The following ADGRL3 variants were observed in gnomAD, a reference collection of about 807,000 sequenced individuals.
ADGRL3 encodes calcium-independent alpha-latrotoxin receptor 3.
ADGRL3 carries 62 observed loss-of-function variants against 153.5 expected under a neutral mutation model. The ratio of observed to expected loss-of-function variants is 0.40; its 90% CI spans 0.33 to 0.50. ADGRL3 has a LOEUF of 0.50. ADGRL3 is among the 20% of genes least tolerant of loss of function. The pLI is 0.47. For synonymous variants in ADGRL3, 710 were observed against 672.5 expected (o/e 1.06, Z -0.86); for missense variants, 1,641 against 1,859.4 (o/e 0.88, Z 2.16).
At chr4:61,774,205 A>C (rs2097119116) in intron 8 of ADGRL3, among the ~76,000 whole-genome samples, 1 of 151,940 alleles carries the variant, frequency 6.6e-6, no homozygotes, top group Non-Finnish European at 1.5e-5. Context: ...AAATACAAAA[A>C]AATTAGCAGG....
intron 2 of ADGRL3, among the ~76,000 whole-genome samples, chr4:61,486,458 G>A (rs1434218724): frequency 1.3e-5 from 2 of 152,104 alleles, no homozygotes; most frequent in Non-Finnish European, 2.9e-5. Context: ...ATAGGTGTAA[G>A]GCTTATTAGT....
At chr4:61,684,640 G>A (rs1187118620) in intron 6 of ADGRL3, among the ~76,000 whole-genome samples, 1 of 152,014 alleles carries the variant, frequency 6.6e-6, no homozygotes, top group African/African-American at 2.4e-5. Context: ...CTAGGCCTCC[G>A]AAACACCTAA....
intron 8 of ADGRL3, among the ~76,000 whole-genome samples, chr4:61,782,811 G>C (rs2097229654): frequency 6.6e-6 from 1 of 152,106 alleles, no homozygotes; most frequent in African/African-American, 2.4e-5. Flanking sequence ...GGAATTATTT[G>C]AGCTTTCTAG....
chr4:61,377,379 A>G (rs1368817356), intron 1 of ADGRL3, among the ~76,000 whole-genome samples: 6 of 152,084 alleles, frequency 3.9e-5, no homozygotes, highest in Non-Finnish European at 7.4e-5. Flanking sequence ...ATATTGACTA[A>G]GGTTTGAGGA....
intron 13 of ADGRL3, among the ~76,000 whole-genome samples, chr4:61,919,235 G>A (rs566398141): frequency 2.6e-5 from 4 of 152,264 alleles, no homozygotes; most frequent in Non-Finnish European, 5.9e-5. Context: ...AAGAGATTTC[G>A]ATGTTTGCCC....
chr4:61,847,788 T>TTATATATATATAATATAAAA (rs1250447254), intron 9 of ADGRL3, among the ~76,000 whole-genome samples: 1 of 29,226 alleles, frequency 3.4e-5, no homozygotes, highest in African/African-American at 1.3e-4. Context: ...ACAAAATATA[T>TTATATATATATAATATAAAA]TATATATATA....
At chr4:61,344,958 T>A (rs1341672598) in intron 1 of ADGRL3, among the ~76,000 whole-genome samples, 2 of 151,446 alleles carry the variant, frequency 1.3e-5, no homozygotes, top group Non-Finnish European at 2.9e-5. Flanking sequence ...GGCTAATTTT[T>A]TTTTTTTTTT....
intron 4 of ADGRL3, among the ~76,000 whole-genome samples, chr4:61,574,204 T>C (rs2098852396): frequency 6.6e-6 from 1 of 151,898 alleles, no homozygotes; most frequent in Non-Finnish European, 1.5e-5. Context: ...AGAAAGATAA[T>C]TAAAAATGCA....
intron 1 of ADGRL3, among the ~76,000 whole-genome samples, chr4:61,348,405 G>T (rs190498872): frequency 6.6e-6 from 1 of 151,966 alleles, no homozygotes; most frequent in East Asian, 1.9e-4. Flanking sequence ...ATTCTTCCCT[G>T]AATACTTCAA....
At chr4:61,247,359 G>T (rs901818156) in intron 1 of ADGRL3, among the ~76,000 whole-genome samples, 8 of 151,966 alleles carry the variant, frequency 5.3e-5, no homozygotes, top group African/African-American at 1.7e-4. Flanking sequence ...AGATATATGT[G>T]ATAATTCTTG....
intron 13 of ADGRL3, among the ~76,000 whole-genome samples, chr4:61,923,041 C>T (rs1464001934): frequency 6.6e-6 from 1 of 152,048 alleles, no homozygotes; most frequent in Non-Finnish European, 1.5e-5. Context: ...GAAGAGCATT[C>T]CAAGATCAAA....
At chr4:61,378,603 T>C (rs2096631871) in intron 1 of ADGRL3, among the ~76,000 whole-genome samples, 1 of 152,008 alleles carries the variant, frequency 6.6e-6, no homozygotes, top group South Asian at 2.1e-4. Flanking sequence ...AATAATCTTG[T>C]CTGAGGTGCC....
intron 2 of ADGRL3, among the ~76,000 whole-genome samples, chr4:61,466,767 T>A (rs2097889527): frequency 6.6e-6 from 1 of 152,144 alleles, no homozygotes; most frequent in Non-Finnish European, 1.5e-5. Context: ...CTATTGTATA[T>A]CAATTAATAA....
intron 3 of ADGRL3, among the ~76,000 whole-genome samples, chr4:61,508,600 T>C (rs6839429): frequency 6.6e-6 from 1 of 152,266 alleles, no homozygotes; most frequent in South Asian, 2.1e-4. Context: ...ATTTCAACAG[T>C]TATATTAGAT....
chr4:61,711,127 T>C (rs1034758939), intron 6 of ADGRL3, among the ~76,000 whole-genome samples: 13 of 152,072 alleles, frequency 8.5e-5, no homozygotes, highest in Admixed American at 3.9e-4. Flanking sequence ...TCCCAAGATA[T>C]CAAGATCTAA....
intron 2 of ADGRL3, among the ~76,000 whole-genome samples, chr4:61,392,684 C>CAAAAAAAAGAAAAAAAAAAAAAA (rs2096824232): frequency 7.5e-5 from 1 of 13,364 alleles, no homozygotes; most frequent in Non-Finnish European, 1.7e-4. Flanking sequence ...GACTCCATCT[C>CAAAAAAAAGAAAAAAAAAAAAAA]AAAAAAAAAA....
At chr4:61,514,915 T>G (rs2098483761) in intron 3 of ADGRL3, among the ~76,000 whole-genome samples, 1 of 152,218 alleles carries the variant, frequency 6.6e-6, no homozygotes, top group Non-Finnish European at 1.5e-5. Flanking sequence ...TAGCTGATGC[T>G]TGATTCCATT....
chr4:61,960,207 T>C lies in ADGRL3; in HGVS notation c.2805+11931T>C, dbSNP rs568664624. Among the ~76,000 whole-genome samples, 19 of 152,344 alleles carry C rather than the reference T, an allele frequency of 1.2e-4. No homozygotes were observed. The South Asian group carries it at 3.7e-3, about 30-fold the overall frequency. ...ATGCACTTATTCAAATTTGAAATTA[T>C]GTATTTGCTAGTATGCTGTTTTATT... On this transcript the variant is annotated intron_variant, in intron 17 of 26. Transcript: ENST00000683033.
intron 4 of ADGRL3, among the ~76,000 whole-genome samples, chr4:61,558,173 CATATAT>C (rs33947698): frequency 7.7e-6 from 1 of 129,034 alleles, no homozygotes; most frequent in Non-Finnish European, 1.6e-5. Flanking sequence ...ATGTAGGAAT[CATATAT>C]ATATATATAT....
Sources: gnomAD v4.1 joint callset for allele counts (sites outside exome capture counted in the v4.1 genomes callset) on GRCh38, gnomAD v4.1.1 for gene constraint, MANE v1.5 for transcripts, NCBI Gene and HGNC (gene_info 2026-07-23, HGNC 2026-07-21) for gene names.